The following SNX18 variants were observed in gnomAD, a reference collection of about 807,000 sequenced individuals.
The protein encoded by SNX18 is sorting nexin-18.
SNX18 carries 35 observed loss-of-function variants against 48.7 expected under a neutral mutation model. The observed-to-expected ratio is 0.72, with a 90% CI of 0.55 to 0.95. The LOEUF is 0.95. Among genes scored for constraint, SNX18 ranks in the 40% least tolerant of loss-of-function variants. The pLI is 0.00. For missense variants in SNX18, 824 were observed against 871.0 expected, an observed-to-expected ratio of 0.95 and a Z score of 0.68; for synonymous variants, 492 against 384.7, an observed-to-expected ratio of 1.28 and a Z score of -3.26.
chr5:54,641,194 G>A, the SNX18 span, among the ~76,000 whole-genome samples: 1 of 152,166 alleles, frequency 6.6e-6, no homozygotes, highest in African/African-American at 2.4e-5. Context: ...AGTCAGGCCA[G>A]AACAATGCAA....
the SNX18 span, among the ~76,000 whole-genome samples, chr5:54,555,626 G>C: frequency 1.3e-5 from 2 of 152,018 alleles, no homozygotes; most frequent in Non-Finnish European, 2.9e-5. Context: ...CTTGAGGCCA[G>C]GAATTCAAGG....
At chr5:54,610,646 A>G in the SNX18 span, among the ~76,000 whole-genome samples, 3 of 152,162 alleles carry the variant, frequency 2.0e-5, no homozygotes, top group Non-Finnish European at 4.4e-5. Context: ...TTGGTGTGTT[A>G]TTTGTTGGAG....
chr5:54,611,411 C>T, the SNX18 span, among the ~76,000 whole-genome samples: 1 of 152,040 alleles, frequency 6.6e-6, no homozygotes, highest in African/African-American at 2.4e-5. Context: ...AAAAAAATCC[C>T]TTGGGCCTTT....
At chr5:54,519,753 TTCC>T in intron 1 of SNX18, 180 bp downstream of exon 1, 1 of 1,614,178 alleles carries the variant, frequency 6.2e-7, no homozygotes, top group East Asian at 2.2e-5. Flanking sequence ...GACAGGCAGC[TTCC>T]TCCTCGAGTA....
At chr5:54,552,466 C>G in the SNX18 span, among the ~76,000 whole-genome samples, 4 of 152,326 alleles carry the variant, frequency 2.6e-5, no homozygotes, top group African/African-American at 9.6e-5. Flanking sequence ...CAAAAACTTT[C>G]AATGAGACCA....
At chr5:54,647,148 T>C in the SNX18 span, among the ~76,000 whole-genome samples, 1 of 152,260 alleles carries the variant, frequency 6.6e-6, no homozygotes. Flanking sequence ...TATTTAACAA[T>C]ATAGTGTTCT....
At chr5:54,588,306 CTTTTTTTTTTTTTTTTTTTTTTT>C in the SNX18 span, among the ~76,000 whole-genome samples, 148 of 73,922 alleles carry the variant, frequency 2.0e-3, 1 homozygote, top group African/African-American at 7.7e-3. Flanking sequence ...TATTTCTATT[CTTTTTTTTTTTTTTTTTTTTTTT>C]TTTTTTTTTT....
chr5:54,612,264 AT>A, the SNX18 span, among the ~76,000 whole-genome samples: 44,746 of 148,350 alleles, frequency 0.3, 7,343 homozygotes, highest in African/African-American at 0.46. Context: ...ATTTTTTTTT[AT>A]TTTTTTTTTT....
the SNX18 span, among the ~76,000 whole-genome samples, chr5:54,626,615 A>G: frequency 6.6e-6 from 1 of 152,218 alleles, no homozygotes; most frequent in South Asian, 2.1e-4. Flanking sequence ...TCAACCAGGG[A>G]TAATTTTGCA....
At chr5:54,528,255 C>T (rs1762175330) in intron 1 of SNX18, among the ~76,000 whole-genome samples, 1 of 151,246 alleles carries the variant, frequency 6.6e-6, no homozygotes, top group Non-Finnish European at 1.5e-5. Flanking sequence ...AATACATTCA[C>T]CTTGTTGCTT....
chr5:54,571,048 C>A, the SNX18 span, among the ~76,000 whole-genome samples: 2 of 152,198 alleles, frequency 1.3e-5, no homozygotes, highest in African/African-American at 4.8e-5. Flanking sequence ...GAAACATACT[C>A]TATGCCTTAT....
At chr5:54,592,910 C>A in the SNX18 span, among the ~76,000 whole-genome samples, 1 of 152,234 alleles carries the variant, frequency 6.6e-6, no homozygotes, top group African/African-American at 2.4e-5. Context: ...AAGCGATTCT[C>A]ATGCCTCAGC....
Position 54,518,547 on chromosome 5 carries a change from T to C in SNX18, c.595T>C (p.Ser199Pro). Residue 199 changes from serine (S) to proline (P), a missense_variant, in exon 1 of 2, where the codon TCC becomes CCC. Ser to Pro is a moderately conservative substitution (Grantham distance 74, BLOSUM62 -1). Around this residue, in one of 3 missense-constraint regions of SNX18, gnomAD observed 377 missense variants for 350.6 expected, o/e 1.08. Transcript: ENST00000381410. ...CGGCCGCTACCGCCTGTCCACGCGC[T>C]CCGACCTGTCCCTGGGTTCCCGCGG... ...AAGRYRLSTR[S>P]DLSLGSRGGS... 1 of 1,586,074 alleles carries C rather than the reference T, an allele frequency of 6.3e-7. No homozygotes were observed. The highest frequency in any genetic ancestry group is 1.1e-5 in the South Asian group (1 of 87,324).
chr5:54,519,888 G>T, intron 1 of SNX18: 3 of 1,478,040 alleles, frequency 2.0e-6, no homozygotes, highest in Non-Finnish European at 2.8e-6. Flanking sequence ...ATCTTGAGAC[G>T]AGGGTAGAAT....
chr5:54,578,745 G>A, the SNX18 span, among the ~76,000 whole-genome samples: 21 of 152,138 alleles, frequency 1.4e-4, no homozygotes, highest in Admixed American at 4.6e-4. Flanking sequence ...CTGGTCTTGC[G>A]AGATGACCCC....
At chr5:54,568,119 A>C in the SNX18 span, among the ~76,000 whole-genome samples, 2 of 152,064 alleles carry the variant, frequency 1.3e-5, no homozygotes, top group African/African-American at 4.8e-5. Context: ...TGTTCTTTTC[A>C]GTTATGGCCT....
At chr5:54,588,695 A>C in the SNX18 span, among the ~76,000 whole-genome samples, 1 of 152,106 alleles carries the variant, frequency 6.6e-6, no homozygotes, top group Non-Finnish European at 1.5e-5. Context: ...AGCACTGTAC[A>C]CCTTCTCAAA....
chr5:54,568,999 C>A, the SNX18 span, among the ~76,000 whole-genome samples: 1 of 151,964 alleles, frequency 6.6e-6, no homozygotes, highest in Non-Finnish European at 1.5e-5. Flanking sequence ...CACATCACTA[C>A]ACCCAGCTAA....
intron 1 of SNX18, among the ~76,000 whole-genome samples, chr5:54,542,340 T>C (rs1762487213): frequency 1.3e-5 from 2 of 152,212 alleles, no homozygotes; most frequent in Non-Finnish European, 2.9e-5. Context: ...CATGAGATTA[T>C]GGAACCGCTG....
Sources: gnomAD v4.1 joint callset for allele counts (sites outside exome capture counted in the v4.1 genomes callset) on GRCh38, gnomAD v4.1.1 for gene constraint, gnomAD v4.1.1 regional missense constraint, MANE v1.5 for transcripts, NCBI Gene and HGNC (gene_info 2026-07-23, HGNC 2026-07-21) for gene names.